ZNF229: variants seen among roughly 807,000 people sequenced by gnomAD.
ZNF229 encodes the protein zinc finger protein 229.
A neutral mutation model predicts 11.8 loss-of-function variants in ZNF229; 10 were observed. That is an observed-to-expected ratio of 0.85 (90% CI 0.52 to 1.44). The LOEUF (loss-of-function observed/expected upper bound fraction) is 1.44. Ranked by LOEUF, ZNF229 falls within the 40% of genes most tolerant of loss-of-function variation. The pLI, the probability that ZNF229 is intolerant of heterozygous loss-of-function variation, is 0.00. For missense variants in ZNF229, 1,045 were observed against 1,015.1 expected (o/e 1.03, Z -0.40); for synonymous variants, 368 against 374.8 (o/e 0.98, Z 0.21).
chr19:44,447,048 A>T (rs1972015058), intron 2 of ZNF229, among the ~76,000 whole-genome samples: 1 of 152,200 alleles, frequency 6.6e-6, no homozygotes, highest in African/African-American at 2.4e-5. Context: ...CTTACCTGTT[A>T]AGTTTTTTTA....
intron 4 of ZNF229, 117 bp downstream of exon 4, chr19:44,442,446 C>A: frequency 1.0e-6 from 1 of 1,003,738 alleles, no homozygotes; most frequent in Non-Finnish European, 1.5e-6. Flanking sequence ...ATAAATGCAA[C>A]GAGAAATGTA....
Position 44,427,006 on chromosome 19 carries a change from A to G in ZNF229, c.*1297T>C, listed in dbSNP as rs1017826006. 6.6e-6 allele frequency: 1 copy of G among 152,126 alleles called. No individual in the cohort carries two copies. The highest frequency in any genetic ancestry group is 2.4e-5 in the African/African-American group (1 of 41,404). The allele number at this position is 152,126 out of a possible 1,614,324, so 9.4% of individuals were successfully genotyped here. ...AAACTTAGTCATGGCAGAACGCAAA[A>G]GAGAAATAAGGACCTTCTTCACAAG... On this transcript the variant is annotated 3_prime_UTR_variant, in exon 6 of 6. Coordinates refer to ENST00000614049, the MANE Select transcript of ZNF229 (RefSeq NM_014518.4).
Position 44,429,466 on chromosome 19 carries a change from C to A in ZNF229, c.1315G>T (p.Gly439Cys). 6.2e-7 allele frequency: 1 copy of A among 1,613,716 alleles called. No homozygotes were observed. The highest frequency in any genetic ancestry group is 8.5e-7 in the Non-Finnish European group (1 of 1,179,958). ...GCAGACTTGGCACAGAAGCCTTTGC[C>A]ACACTCGCTGCAGGTGTAGGGCTTC... is the stretch of plus-strand genomic sequence containing the variant. ...GEKPYTCSEC[G>C]KGFCAKSALH... Residue 439 changes from glycine (G) to cysteine (C), a missense_variant, in exon 6 of 6, where the codon GGC becomes TGC. By Grantham distance (159) the Gly-to-Cys change is radical. Transcript: ENST00000614049.
chr19:44,436,469 A>C (rs533214511), intron 4 of ZNF229, among the ~76,000 whole-genome samples: 1 of 152,236 alleles, frequency 6.6e-6, no homozygotes, highest in South Asian at 2.1e-4. Context: ...TTTTTTAATC[A>C]AATTTCTAAA....
chr19:44,442,051 C>G (rs1971920426), intron 4 of ZNF229, among the ~76,000 whole-genome samples: 1 of 152,150 alleles, frequency 6.6e-6, no homozygotes, highest in South Asian at 2.1e-4. Context: ...ATGCTCAGGT[C>G]TTTATGCATA....
At chr19:44,444,272 A>G (rs116325388) in intron 2 of ZNF229, among the ~76,000 whole-genome samples, 49 of 152,280 alleles carry the variant, frequency 3.2e-4, no homozygotes, top group African/African-American at 1.2e-3. Flanking sequence ...CTCAAGGTCA[A>G]GTTCAGACAA....
rs1259882029 is a variant in ZNF229 at position 44,429,098 on chromosome 19, G to A, written c.1683C>T (p.Ile561=). The A allele has an allele frequency of 4.3e-6, 7 of 1,613,178 alleles. No individual in the cohort carries two copies. The highest frequency in any genetic ancestry group is 5.1e-6 in the Non-Finnish European group (6 of 1,179,812). Residue 561 remains isoleucine (I), a synonymous_variant, in exon 6 of 6, where the codon ATC becomes ATT. Transcript: ENST00000614049. ...KSFGRSSDLH[I]HQRVHTGEKP... is the part of the protein sequence containing the mutation. ...TCTCTCCTGTGTGGACCCTCTGATG[G>A]ATGTGGAGGTCGGAGCTCCGGCCAA...
chr19:44,444,980 A>T (rs1449473316), intron 2 of ZNF229, among the ~76,000 whole-genome samples: 2 of 152,164 alleles, frequency 1.3e-5, no homozygotes, highest in African/African-American at 4.8e-5. Flanking sequence ...CACAATCTAC[A>T]CACTGATGAC....
intron 4 of ZNF229, among the ~76,000 whole-genome samples, chr19:44,439,494 A>T (rs957062775): frequency 2.0e-5 from 3 of 152,088 alleles, no homozygotes; most frequent in Non-Finnish European, 4.4e-5. Context: ...CCCAGGCTGG[A>T]GTGCAGTGGC....
intron 2 of ZNF229, 122 bp downstream of exon 2, chr19:44,447,391 T>C (rs897853390): frequency 6.6e-6 from 1 of 152,076 alleles, no homozygotes; most frequent in Admixed American, 6.6e-5. Flanking sequence ...ACCTCCCCCA[T>C]TTCTAGGGGA....
intron 4 of ZNF229, among the ~76,000 whole-genome samples, chr19:44,439,241 T>TA (rs1267033091): frequency 2.0e-5 from 3 of 152,316 alleles, no homozygotes; most frequent in East Asian, 3.9e-4. Flanking sequence ...AAACAGCACT[T>TA]AGAGTTTCAG....
At chr19:44,431,796 T>C in intron 5 of ZNF229, 1 of 988,590 alleles carries the variant, frequency 1.0e-6, no homozygotes, top group Non-Finnish European at 1.2e-6. Context: ...AGTTTCTCCA[T>C]CTGTTACCCC....
At chr19:44,445,203 C>T (rs945592630) in intron 2 of ZNF229, among the ~76,000 whole-genome samples, 2 of 152,176 alleles carry the variant, frequency 1.3e-5, no homozygotes, top group African/African-American at 2.4e-5. Flanking sequence ...ATTCTTGCTG[C>T]CACCGTCCAC....
rs1348836318 is a variant in ZNF229, at chr19:44,430,346, T to C, written c.435A>G (p.Gly145=). The change falls in exon 6 of 6, where the codon GGA becomes GGG. Residue 145 remains glycine, a synonymous_variant. Coordinates refer to ENST00000614049, the MANE Select transcript of ZNF229 (RefSeq NM_014518.4). ...CAATTGGAAAACACGGCGTAGATGC[T>C]CCTTCCCACCCTTGATGGGGAGCAG... ...EDAAPHQGWE[G]ASTPCFPIEN... The C allele has an allele frequency of 1.9e-6, 3 of 1,614,010 alleles. No individual in the cohort carries two copies. Among genetic ancestry groups the C allele is most frequent in the Admixed American group, 3.3e-5 (2 of 60,004 alleles).
rs1972039812 is a variant in ZNF229 at position 44,448,373 on chromosome 19, T to C, written c.-330A>G. 1 of 152,318 alleles carries C rather than the reference T, an allele frequency of 6.6e-6. No individual in the cohort carries two copies. Among genetic ancestry groups the C allele is most frequent in the South Asian group, 2.1e-4 (1 of 4,820 alleles). 9.4% of individuals were successfully genotyped at this position (152,318 alleles called of 1,614,324 possible). On this transcript the variant is annotated 5_prime_UTR_variant, in exon 1 of 6. Transcript: ENST00000614049. ...GCCGCACGTTGTCCCTTCACACTGG[T>C]CCTATAGAGCCGATCCTAATTCCCA... is the stretch of plus-strand genomic sequence containing the variant.
intron 4 of ZNF229, among the ~76,000 whole-genome samples, chr19:44,432,664 G>C (rs1971746053): frequency 6.6e-6 from 1 of 151,660 alleles, no homozygotes; most frequent in Admixed American, 6.6e-5. Flanking sequence ...CACAGGAAGG[G>C]GAACATCACA....
Position 44,435,851 on chromosome 19 carries a change from C to T in ZNF229, c.94-3485G>A, listed in dbSNP as rs139215896. ...GAAAACCCTTAAGTGGTAAGAAGCA[C>T]GGCACATGTATCTTAGCCTCAGGCA... On this transcript the variant is annotated intron_variant, in intron 4 of 5. Coordinates refer to ENST00000614049, the MANE Select transcript of ZNF229 (RefSeq NM_014518.4). Among the ~76,000 whole-genome samples the T allele has an allele frequency of 9.8e-3, 1,486 of 152,304 alleles. 23 individuals are homozygous for T. The highest frequency in any genetic ancestry group is 0.027 in the African/African-American group (1,127 of 41,554).
chr19:44,444,237 G>A (rs57290748), intron 2 of ZNF229, among the ~76,000 whole-genome samples: 16,454 of 152,066 alleles, frequency 0.11, 899 homozygotes, highest in Middle Eastern at 0.18. Flanking sequence ...ACCTTGCCTG[G>A]CCTCTTTCCT....
At chr19:44,433,343 C>T (rs1600017159) in intron 4 of ZNF229, among the ~76,000 whole-genome samples, 1 of 152,156 alleles carries the variant, frequency 6.6e-6, no homozygotes, top group Non-Finnish European at 1.5e-5. Flanking sequence ...CAGGGGTGAG[C>T]CACTGATATT....
Sources: gnomAD v4.1 joint callset for allele counts (sites outside exome capture counted in the v4.1 genomes callset) on GRCh38, gnomAD v4.1.1 for gene constraint, MANE v1.5 for transcripts, NCBI Gene and HGNC (gene_info 2026-07-23, HGNC 2026-07-21) for gene names.